Variants in SDK1 observed in about 807,000 individuals in gnomAD.
The protein encoded by SDK1 is sidekick cell adhesion molecule 1, also known as protein sidekick-1.
Under a neutral mutation model 245.5 loss-of-function variants are expected in SDK1, and 157 were observed. The ratio of observed to expected loss-of-function variants is 0.64; its 90% CI spans 0.56 to 0.73. SDK1 has a LOEUF of 0.73. Ranked by LOEUF, SDK1 falls within the 30% of genes least tolerant of loss-of-function variation. The pLI, the probability that SDK1 is intolerant of heterozygous loss-of-function variation, is 0.00. For synonymous variants in SDK1, 1,647 were observed against 1,278.5 expected (o/e 1.29, Z -6.15); for missense variants, 3,583 against 3,002.3 (o/e 1.19, Z -4.52).
chr7:4,008,345 C>A (rs1043148063), intron 14 of SDK1, among the ~76,000 whole-genome samples: 1 of 152,226 alleles, frequency 6.6e-6, no homozygotes, highest in African/African-American at 2.4e-5. Flanking sequence ...AAAGTGAACA[C>A]ACGAACAAAA....
intron 1 of SDK1, among the ~76,000 whole-genome samples, chr7:3,563,581 C>T (rs891014231): frequency 1.3e-5 from 2 of 152,146 alleles, no homozygotes; most frequent in African/African-American, 4.8e-5. Context: ...GACAGAATTG[C>T]AGAGAGACAT....
chr7:3,733,593 C>G (rs1779239382), intron 4 of SDK1, among the ~76,000 whole-genome samples: 1 of 152,112 alleles, frequency 6.6e-6, no homozygotes, highest in Non-Finnish European at 1.5e-5. Context: ...CTGTGTTTAC[C>G]TCTAGCCCGC....
At chr7:4,138,771 G>A (rs1334091393) in intron 28 of SDK1, among the ~76,000 whole-genome samples, 2 of 139,790 alleles carry the variant, frequency 1.4e-5, no homozygotes, top group Non-Finnish European at 1.6e-5. Flanking sequence ...GAGAGAGAAA[G>A]AAAGAAGAAG....
At chr7:3,959,909 G>A (rs531111191) in intron 8 of SDK1, among the ~76,000 whole-genome samples, 2 of 152,010 alleles carry the variant, frequency 1.3e-5, no homozygotes, top group African/African-American at 4.8e-5. Context: ...CTCATGTCGG[G>A]CAGCACAGGT....
chr7:4,138,481 C>T (rs1053398470), intron 28 of SDK1, among the ~76,000 whole-genome samples: 70 of 152,088 alleles, frequency 4.6e-4, no homozygotes, highest in Non-Finnish European at 7.9e-4. Context: ...CATGGTGGCT[C>T]ATGCCTGTAA....
At chr7:4,055,742 T>C (rs991091743) in intron 19 of SDK1, among the ~76,000 whole-genome samples, 1 of 152,132 alleles carries the variant, frequency 6.6e-6, no homozygotes, top group African/African-American at 2.4e-5. Context: ...TGAAGACCTT[T>C]CCTTGTTTCC....
chr7:3,346,827 A>ATATATAATTTTTTTT (rs1228887289), intron 1 of SDK1, among the ~76,000 whole-genome samples: 1 of 16,386 alleles, frequency 6.1e-5, no homozygotes, highest in Non-Finnish European at 1.1e-4. Context: ...ATATATATAT[A>ATATATAATTTTTTTT]TTTTTTTTTT....
intron 1 of SDK1, among the ~76,000 whole-genome samples, chr7:3,406,224 C>G (rs1008713629): frequency 6.6e-6 from 1 of 152,236 alleles, no homozygotes; most frequent in African/African-American, 2.4e-5. Flanking sequence ...CCATTACCAT[C>G]TCTCTGATCC....
At chr7:3,530,079 C>G (rs1411294591) in intron 1 of SDK1, among the ~76,000 whole-genome samples, 1 of 152,068 alleles carries the variant, frequency 6.6e-6, no homozygotes, top group Non-Finnish European at 1.5e-5. Context: ...TTTAAAGACT[C>G]TCAAAAAGTA....
chr7:3,492,460 C>T (rs1781893514), intron 1 of SDK1, among the ~76,000 whole-genome samples: 1 of 152,260 alleles, frequency 6.6e-6, no homozygotes, highest in South Asian at 2.1e-4. Context: ...CGCCACCACA[C>T]TCCAACCTGG....
chr7:3,392,073 A>G (rs1781772598), intron 1 of SDK1, among the ~76,000 whole-genome samples: 2 of 151,944 alleles, frequency 1.3e-5, no homozygotes, highest in African/African-American at 4.8e-5. Flanking sequence ...CACATTCATG[A>G]TAGAAAGTAT....
intron 1 of SDK1, among the ~76,000 whole-genome samples, chr7:3,487,464 G>A (rs1336897905): frequency 6.6e-6 from 1 of 152,044 alleles, no homozygotes; most frequent in Non-Finnish European, 1.5e-5. Context: ...TGCAATGGCT[G>A]TGCATGGTGG....
chr7:3,973,833 T>C (rs901447548), intron 12 of SDK1, among the ~76,000 whole-genome samples: 10 of 152,140 alleles, frequency 6.6e-5, no homozygotes, highest in African/African-American at 2.4e-4. Context: ...GACCAAGATT[T>C]CTGGTTGCTT....
At chr7:3,366,091 G>A (rs538605738) in intron 1 of SDK1, among the ~76,000 whole-genome samples, 8 of 149,644 alleles carry the variant, frequency 5.3e-5, no homozygotes, top group East Asian at 3.9e-4. Flanking sequence ...ATATTTTACC[G>A]ATTCGATGTT....
intron 5 of SDK1, among the ~76,000 whole-genome samples, chr7:3,839,980 AGTT>A (rs1721691537): frequency 6.6e-6 from 1 of 152,254 alleles, no homozygotes; most frequent in African/African-American, 2.4e-5. Context: ...TAAAATTTGC[AGTT>A]GTTAAAAAGG....
In SDK1 at chr7:3,479,760, G is replaced by GT. The variant is rs377562761; in HGVS notation, c.299-139318dup. Among the ~76,000 whole-genome samples the GT allele has an allele frequency of 4.8e-3, 730 of 151,784 alleles. 8 individuals are homozygous for GT. The highest frequency in any genetic ancestry group is 0.017 in the African/African-American group (689 of 41,390). ...GCATGTAGTCCTAGCTACTCAGGAA[G>GT]TTGAGGCAGGAGAATTGCTTGAAAC... On this transcript the variant is annotated intron_variant, in intron 1 of 44. Coordinates refer to ENST00000404826, the MANE Select transcript of SDK1 (RefSeq NM_152744.4).
At chr7:3,807,398 C>T (rs1451397359) in intron 4 of SDK1, among the ~76,000 whole-genome samples, 1 of 152,206 alleles carries the variant, frequency 6.6e-6, no homozygotes, top group East Asian at 1.9e-4. Context: ...TATAGTCGCG[C>T]TCCCGGTAGA....
intron 4 of SDK1, among the ~76,000 whole-genome samples, chr7:3,757,102 C>T (rs1779954231): frequency 6.6e-6 from 1 of 152,116 alleles, no homozygotes; most frequent in South Asian, 2.1e-4. Flanking sequence ...AATTACAAAA[C>T]CAACTCCCAG....
intron 1 of SDK1, among the ~76,000 whole-genome samples, chr7:3,324,630 C>T (rs1219822160): frequency 6.6e-6 from 1 of 152,128 alleles, no homozygotes; most frequent in Non-Finnish European, 1.5e-5. Flanking sequence ...AATTTTTACT[C>T]ATAAAAATGG....
Sources: allele counts gnomAD v4.1 joint callset (sites outside exome capture counted in the v4.1 genomes callset), GRCh38; gene constraint gnomAD v4.1.1; transcripts MANE v1.5; gene names NCBI Gene and HGNC (gene_info 2026-07-23, HGNC 2026-07-21).